The following CCDC15 variants were observed in gnomAD, a reference collection of about 807,000 sequenced individuals.
The protein encoded by CCDC15 is coiled-coil domain-containing protein 15.
A neutral mutation model predicts 114.5 loss-of-function variants in CCDC15; 105 were observed. That is an observed-to-expected ratio of 0.92 (90% CI 0.78 to 1.08). The LOEUF (loss-of-function observed/expected upper bound fraction) is 1.08, where lower values mean the gene tolerates loss of function less well. Ranked by LOEUF, CCDC15 falls within the 50% of genes least tolerant of loss-of-function variation. CCDC15 has a pLI of 0.00. For synonymous variants in CCDC15, 334 were observed against 377.8 expected, an observed-to-expected ratio of 0.88 and a Z score of 1.34; for missense variants, 1,105 against 1,093.6, an observed-to-expected ratio of 1.01 and a Z score of -0.15.
At chr11:124,999,854 CTTTTTTTTTTTTTTT>C (rs768089942) in intron 11 of CCDC15, among the ~76,000 whole-genome samples, 1 of 70,100 alleles carries the variant, frequency 1.4e-5, no homozygotes, top group Non-Finnish European at 2.6e-5. Context: ...GTATCCTAGA[CTTTTTTTTTTTTTTT>C]TTTTTTTTTT....
intron 13 of CCDC15, among the ~76,000 whole-genome samples, chr11:125,012,038 C>T (rs964057294): frequency 6.6e-6 from 1 of 152,220 alleles, no homozygotes; most frequent in African/African-American, 2.4e-5. Context: ...TGTAAGTGGT[C>T]ACCCCTTAAT....
At chr11:125,000,607 C>A (rs890705008) in intron 11 of CCDC15, among the ~76,000 whole-genome samples, 1 of 152,182 alleles carries the variant, frequency 6.6e-6, no homozygotes, top group African/African-American at 2.4e-5. Context: ...AAAGTAATTT[C>A]ATTTTTATTG....
chr11:125,018,909 A>G (rs1948645142), intron 13 of CCDC15, among the ~76,000 whole-genome samples: 1 of 151,914 alleles, frequency 6.6e-6, no homozygotes, highest in African/African-American at 2.4e-5. Context: ...TGGGAATTGG[A>G]GAGGGGAAAG....
At position 124,993,212 on chromosome 11, in the gene CCDC15, T is replaced by G; in HGVS notation, c.2183T>G (p.Ile728Ser). ...CCCTCATCTTTTGAGAAATGGGAGATTGCAAGAGGAAATACTCCTGGAGTG... is the reference window on the plus strand; with the variant it reads ...CCCTCATCTTTTGAGAAATGGGAGAGTGCAAGAGGAAATACTCCTGGAGTG... Reference protein sequence around the residue: ...KLPSSFEKWEIARGNTPGVPL... With the variant: ...KLPSSFEKWESARGNTPGVPL... Residue 728 changes from isoleucine (I) to serine (S), a missense_variant, in exon 11 of 16, where the codon ATT (isoleucine) becomes AGT (serine). Physicochemically the swap from Ile to Ser is moderately radical, Grantham distance 142. Coordinates refer to ENST00000344762, the MANE Select transcript of CCDC15 (RefSeq NM_025004.3). 1 of 1,607,510 alleles carries G rather than the reference T, an allele frequency of 6.2e-7. No homozygotes were observed. The highest frequency in any genetic ancestry group is 8.5e-7 in the Non-Finnish European group (1 of 1,175,776).
Position 124,987,898 on chromosome 11 carries a change from C to G in CCDC15, c.1672C>G (p.Gln558Glu). 6.2e-7 allele frequency: 1 copy of G among 1,613,948 alleles called. No homozygotes were observed. Among genetic ancestry groups the G allele is most frequent in the Non-Finnish European group, 8.5e-7 (1 of 1,179,864 alleles). Residue 558 changes from glutamine (Q) to glutamate (E), a missense_variant, in exon 8 of 16, where the codon CAG becomes GAG. Transcript: ENST00000344762. The stretch of plus-strand genomic sequence containing the variant: ...AGACTGGAATATTCTACCCAAATGT[C>G]AGGACCAGGATTTTCTACCCAGAGA... ...PKDWNILPKC[Q>E]DQDFLPRDQG...
intron 13 of CCDC15, among the ~76,000 whole-genome samples, chr11:125,017,439 C>G (rs1948635710): frequency 6.6e-6 from 1 of 152,136 alleles, no homozygotes; most frequent in South Asian, 2.1e-4. Context: ...TGAAAAATTC[C>G]TATCACCTAG....
intron 13 of CCDC15, among the ~76,000 whole-genome samples, chr11:125,012,970 A>G (rs1209617499): frequency 6.6e-6 from 1 of 152,182 alleles, no homozygotes; most frequent in Non-Finnish European, 1.5e-5. Context: ...CCTTAATTAT[A>G]TAATGGAGAT....
intron 13 of CCDC15, among the ~76,000 whole-genome samples, chr11:125,011,071 A>G (rs530581719): frequency 6.6e-6 from 1 of 152,160 alleles, no homozygotes; most frequent in Non-Finnish European, 1.5e-5. Context: ...ATGGGTAGTC[A>G]TTGGACCTAA....
rs1302932564 is a variant in CCDC15, at chr11:125,039,029, T to A, written c.2694T>A (p.Asp898Glu). ...CGPDFWDAHP[D>E]TCANNCIFYK... ...CTGATTTTTGGGATGCTCATCCTGA[T>A]ACCTGTGCCAACAACTGTATTTTCT... is the stretch of plus-strand genomic sequence containing the variant. The change falls in exon 15 of 16, where the codon GAT becomes GAA. Residue 898 changes from aspartate to glutamate, a missense_variant. Coordinates refer to ENST00000344762, the MANE Select transcript of CCDC15 (RefSeq NM_025004.3). 1.2e-6 allele frequency: 2 copies of A among 1,609,146 alleles called. No individual in the cohort carries two copies. Among genetic ancestry groups the A allele is most frequent in the Admixed American group, 1.7e-5 (1 of 59,866 alleles).
intron 13 of CCDC15, among the ~76,000 whole-genome samples, chr11:125,036,782 A>G (rs190868386): frequency 2.6e-5 from 4 of 152,166 alleles, no homozygotes; most frequent in Admixed American, 2.0e-4. Context: ...TTAGTATTTC[A>G]GTTGCAGTTT....
At chr11:124,954,489 A>G in intron 1 of CCDC15, 119 bp downstream of exon 1, 1 of 342,250 alleles carries the variant, frequency 2.9e-6, no homozygotes, top group South Asian at 3.1e-5. Context: ...CTTCCCTCTC[A>G]TCGCCATTTC....
intron 15 of CCDC15, among the ~76,000 whole-genome samples, chr11:125,039,784 A>G (rs1210463534): frequency 6.6e-6 from 1 of 151,566 alleles, no homozygotes; most frequent in Non-Finnish European, 1.5e-5. Flanking sequence ...GATGCATGGC[A>G]TGTTTGGTAT....
At chr11:124,997,567 G>A (rs919179895) in intron 11 of CCDC15, among the ~76,000 whole-genome samples, 3 of 152,182 alleles carry the variant, frequency 2.0e-5, no homozygotes, top group African/African-American at 7.2e-5. Context: ...AGGATTGCAG[G>A]TGTGAGCCAC....
intron 11 of CCDC15, among the ~76,000 whole-genome samples, chr11:124,996,537 G>T (rs1003392714): frequency 1.3e-5 from 2 of 152,084 alleles, no homozygotes; most frequent in Admixed American, 1.3e-4. Context: ...TAAAAATTGT[G>T]ATAAAATATA....
chr11:124,990,720 G>A (rs12283908), intron 8 of CCDC15, among the ~76,000 whole-genome samples: 28,630 of 152,048 alleles, frequency 0.19, 3,078 homozygotes, highest in African/African-American at 0.29. Context: ...CCCAGATTTT[G>A]TGAACAATTT....
In CCDC15 at chr11:124,959,410, G is replaced by A. The variant is rs1476913102; in HGVS notation, c.327+146G>A. 5 of 740,228 alleles carry A rather than the reference G, an allele frequency of 6.8e-6. No homozygotes were observed. The African/African-American group carries it at 7.5e-5, about 11-fold the overall frequency. The allele number at this position is 740,228 out of a possible 1,614,324, so 45.9% of individuals were successfully genotyped here. On this transcript the variant is annotated intron_variant, in intron 3 of 15. Coordinates refer to ENST00000344762, the MANE Select transcript of CCDC15 (RefSeq NM_025004.3). ...CTAGTGAAGACAGTAAATTTTTTTT[G>A]TAGAGAAACCATGTTTTATTCCTGT...
At chr11:125,032,924 G>C (rs564984442) in intron 13 of CCDC15, among the ~76,000 whole-genome samples, 1 of 152,356 alleles carries the variant, frequency 6.6e-6, no homozygotes, top group South Asian at 2.1e-4. Context: ...CTCAGAGTCA[G>C]TGTCCAGTAG....
In CCDC15 at chr11:124,954,841, G is replaced by A. The variant is rs150869063; in HGVS notation, c.109G>A (p.Glu37Lys). 1 of 1,614,056 alleles carries A rather than the reference G, an allele frequency of 6.2e-7. No individual in the cohort carries two copies. The highest frequency in any genetic ancestry group is 2.2e-5 in the East Asian group (1 of 44,890). The change falls in exon 2 of 16, where the codon GAG (glutamate) becomes AAG (lysine). Residue 37 changes from glutamate to lysine, a missense_variant. Physicochemically the swap from Glu to Lys is moderately conservative, Grantham distance 56. Coordinates refer to ENST00000344762, the MANE Select transcript of CCDC15 (RefSeq NM_025004.3). ...DVLAVLAERN[E>K]AIVPVGAWVE... ...GTTGGCAGTGCTGGCTGAGAGGAAC[G>A]AGGCTATAGTACCAGTTGGGGCATG...
intron 1 of CCDC15, 89 bp from the exon 2 acceptor site, chr11:124,954,635 T>C: frequency 8.5e-7 from 1 of 1,180,682 alleles, no homozygotes; most frequent in Non-Finnish European, 1.2e-6. Flanking sequence ...GCTTCTCTCC[T>C]TTTCACGGGC....
Sources: allele counts gnomAD v4.1 joint callset (sites outside exome capture counted in the v4.1 genomes callset), GRCh38; gene constraint gnomAD v4.1.1; transcripts MANE v1.5; gene names NCBI Gene and HGNC (gene_info 2026-07-23, HGNC 2026-07-21).